UTRN: variants seen among roughly 807,000 people sequenced by gnomAD.
UTRN encodes the protein utrophin.
UTRN carries 283 observed loss-of-function variants against 463.9 expected under a neutral mutation model. The observed-to-expected ratio is 0.61, with a 90% CI of 0.55 to 0.67. The LOEUF is 0.67. Ranked by LOEUF, UTRN falls within the 30% of genes least tolerant of loss-of-function variation. The pLI, the probability that UTRN is intolerant of heterozygous loss-of-function variation, is 0.00. For missense variants in UTRN, 3,922 were observed against 4,084.3 expected, an observed-to-expected ratio of 0.96 and a Z score of 1.08; for synonymous variants, 1,442 against 1,431.5, an observed-to-expected ratio of 1.01 and a Z score of -0.17.
chr6:144,771,808 A>T, intron 58 of UTRN, 99 bp from the exon 59 acceptor site: 1 of 967,434 alleles, frequency 1.0e-6, no homozygotes, highest in Non-Finnish European at 1.5e-6. Context: ...ATTTTTAAAA[A>T]TTTGAAAAAA....
At chr6:144,723,260 G>A in intron 53 of UTRN, among the ~76,000 whole-genome samples, 1 of 152,136 alleles carries the variant, frequency 6.6e-6, no homozygotes, top group East Asian at 1.9e-4. Flanking sequence ...ATTACTACCA[G>A]CAATTTGCAA....
intron 51 of UTRN, among the ~76,000 whole-genome samples, chr6:144,638,768 A>G (rs906838951): frequency 1.3e-5 from 2 of 152,180 alleles, no homozygotes; most frequent in Non-Finnish European, 2.9e-5. Flanking sequence ...TGTATGAGAG[A>G]ATGATATATA....
chr6:144,445,222 G>A (rs1584812318), intron 14 of UTRN, among the ~76,000 whole-genome samples: 1 of 151,622 alleles, frequency 6.6e-6, no homozygotes, highest in Non-Finnish European at 1.5e-5. Context: ...GTGGCGGTGG[G>A]TGCCTGTAAT....
intron 24 of UTRN, among the ~76,000 whole-genome samples, chr6:144,474,350 C>T (rs1266673851): frequency 6.6e-6 from 1 of 151,980 alleles, no homozygotes; most frequent in Non-Finnish European, 1.5e-5. Flanking sequence ...GTGAAATCAT[C>T]AGGCTTCTCT....
Position 144,319,665 on chromosome 6 carries a change from T to A in UTRN, c.79+27758T>A, listed in dbSNP as rs79996568. 9.5e-3 allele frequency among the ~76,000 whole-genome samples: 1,452 copies of A among 152,264 alleles called. 105 individuals are homozygous for A. In the East Asian group the frequency reaches 0.19, roughly 20 times the overall value. ...TCACTGCTACCTTGATCTCCTGGGC[T>A]CAAATGATCCTCCCATCTCAACCTT... On this transcript the variant is annotated intron_variant, in intron 2 of 74. Coordinates refer to ENST00000367545, the MANE Select transcript of UTRN (RefSeq NM_007124.3).
intron 54 of UTRN, among the ~76,000 whole-genome samples, chr6:144,732,222 A>ATGTG (rs1482935166): frequency 0.019 from 812 of 43,384 alleles, 7 homozygotes; most frequent in African/African-American, 0.073. Context: ...TTTTATATAT[A>ATGTG]TATATATATA....
chr6:144,311,764 C>T (rs1350000928), intron 2 of UTRN: 3 of 152,202 alleles, frequency 2.0e-5, no homozygotes, highest in African/African-American at 7.2e-5. Flanking sequence ...ATTCTGCACA[C>T]TTGGATTCTA....
intron 2 of UTRN, among the ~76,000 whole-genome samples, chr6:144,394,640 C>A (rs1443448125): frequency 6.6e-6 from 1 of 152,118 alleles, no homozygotes; most frequent in Non-Finnish European, 1.5e-5. Context: ...CCTACATTAG[C>A]TCTATAGAAA....
At chr6:144,386,524 A>G (rs1216007869) in intron 2 of UTRN, among the ~76,000 whole-genome samples, 1 of 152,168 alleles carries the variant, frequency 6.6e-6, no homozygotes, top group Non-Finnish European at 1.5e-5. Context: ...AATTAAAAAT[A>G]AGAATATGTA....
At chr6:144,607,928 T>A (rs2128640439) in intron 51 of UTRN, among the ~76,000 whole-genome samples, 1 of 152,304 alleles carries the variant, frequency 6.6e-6, no homozygotes. Context: ...GAGAAACCCC[T>A]CAGTCCCAGA....
chr6:144,761,670 TA>T (rs1562875044), intron 58 of UTRN, among the ~76,000 whole-genome samples: 1 of 151,558 alleles, frequency 6.6e-6, no homozygotes, highest in African/African-American at 2.4e-5. Flanking sequence ...ATAATAATAA[TA>T]AATAAAGAGA....
At chr6:144,684,416 A>G (rs142062741) in intron 52 of UTRN, among the ~76,000 whole-genome samples, 105 of 152,244 alleles carry the variant, frequency 6.9e-4, no homozygotes, top group African/African-American at 2.4e-3. Context: ...CATATTCACA[A>G]CTTTTTATAT....
In UTRN at chr6:144,540,061, T is replaced by G. The variant is rs117184168; in HGVS notation, c.6519+618T>G. The stretch of plus-strand genomic sequence containing the variant: ...CTGTCTCAAAAAAAAAAAAAAGAAA[T>G]AAATAAAGAAAATAGCATCCTGATT... On this transcript the variant is annotated intron_variant, in intron 45 of 74. Transcript: ENST00000367545. 3.1e-3 allele frequency among the ~76,000 whole-genome samples: 457 copies of G among 147,410 alleles called. 15 individuals carry two copies. In the East Asian group the frequency reaches 0.065, roughly 21 times the overall value.
intron 2 of UTRN, among the ~76,000 whole-genome samples, chr6:144,353,778 C>T (rs757028390): frequency 2.6e-5 from 4 of 152,024 alleles, no homozygotes; most frequent in Non-Finnish European, 4.4e-5. Context: ...ACCTGGGAGT[C>T]GGAGGTTGCA....
intron 58 of UTRN, among the ~76,000 whole-genome samples, chr6:144,769,021 AT>A (rs892455583): frequency 1.4e-5 from 2 of 139,378 alleles, no homozygotes; most frequent in African/African-American, 5.5e-5. Context: ...TAAAGAGAGG[AT>A]TTTTAGTAAT....
At chr6:144,574,999 C>CT (rs1270002864) in intron 50 of UTRN, among the ~76,000 whole-genome samples, 1 of 152,100 alleles carries the variant, frequency 6.6e-6, no homozygotes, top group African/African-American at 2.4e-5. Context: ...AATGGCTGTA[C>CT]TTTTACCTGC....
chr6:144,405,267 C>A (rs992947938), intron 3 of UTRN, among the ~76,000 whole-genome samples: 8 of 152,188 alleles, frequency 5.3e-5, no homozygotes, highest in African/African-American at 1.9e-4. Flanking sequence ...AGATGGGAAG[C>A]TCATGGCAGT....
At chr6:144,305,271 A>G (rs1427726460) in intron 2 of UTRN, among the ~76,000 whole-genome samples, 2 of 152,224 alleles carry the variant, frequency 1.3e-5, no homozygotes, top group African/African-American at 4.8e-5. Flanking sequence ...ATTGAATGGT[A>G]CTGTATATAA....
intron 11 of UTRN, among the ~76,000 whole-genome samples, chr6:144,438,189 T>A (rs563825720): frequency 6.6e-6 from 1 of 152,216 alleles, no homozygotes; most frequent in South Asian, 2.1e-4. Flanking sequence ...TCGCTTGAAC[T>A]CAGGAGACAG....
Sources: gnomAD v4.1 joint callset for allele counts (sites outside exome capture counted in the v4.1 genomes callset) on GRCh38, gnomAD v4.1.1 for gene constraint, MANE v1.5 for transcripts, NCBI Gene and HGNC (gene_info 2026-07-23, HGNC 2026-07-21) for gene names.